The following TGM3 variants were observed in gnomAD, a reference collection of about 807,000 sequenced individuals.
TGM3 encodes transglutaminase 3, also known as protein-glutamine gamma-glutamyltransferase E.
TGM3 carries 52 observed loss-of-function variants against 73.8 expected under a neutral mutation model. That is an observed-to-expected ratio of 0.70 (90% CI 0.56 to 0.89). TGM3 has a LOEUF of 0.89. Ranked by LOEUF, TGM3 falls within the 40% of genes least tolerant of loss-of-function variation. The pLI is 0.00. For synonymous variants in TGM3, 372 were observed against 354.9 expected (o/e 1.05, Z -0.54); for missense variants, 928 against 909.9 (o/e 1.02, Z -0.26).
chr20:2,331,972 G>A (rs2084322753), intron 9 of TGM3, 30 bp from the exon 10 acceptor site: 1 of 1,570,748 alleles, frequency 6.4e-7, no homozygotes, highest in Non-Finnish European at 8.6e-7. Context: ...TCACATCCCT[G>A]GCATGTTTCT....
rs2084329444 is a variant in TGM3 at position 2,332,996 on chromosome 20, C to G, written c.1642+686C>G. Among the ~76,000 whole-genome samples the G allele has an allele frequency of 6.6e-6, 1 of 152,174 alleles. No homozygotes were observed. The highest frequency in any genetic ancestry group is 2.1e-4 in the South Asian group (1 of 4,830). ...TGAGCGTTTGGGAGGAACAGTGACTCCTTGCCCTTGGGTAGCAGGGATGGG... is the reference window on the plus strand; with the variant it reads ...TGAGCGTTTGGGAGGAACAGTGACTGCTTGCCCTTGGGTAGCAGGGATGGG... On this transcript the variant is annotated intron_variant, in intron 10 of 12. Transcript: ENST00000381458. This position sits in a 1 kb window ranked among gnomAD's most constrained non-coding sequence, Gnocchi z 4.4.
intron 11 of TGM3, 31 bp from the exon 12 acceptor site, chr20:2,339,823 G>A (rs900136727): frequency 5.1e-5 from 83 of 1,613,116 alleles, no homozygotes; most frequent in Non-Finnish European, 6.8e-5. Context: ...AGCAGCTGGA[G>A]TCCTGACTCG....
At position 2,334,484 on chromosome 20, in the gene TGM3, G is replaced by A. The variant is rs1000164159; in HGVS notation, c.1643-632G>A. Reference sequence around the variant, plus strand: ...TAGAGACCAGACCAGAGGAATGAAGGGGATGCTGTGGCAGTAGAACCCCAG... The same window carrying A: ...TAGAGACCAGACCAGAGGAATGAAGAGGATGCTGTGGCAGTAGAACCCCAG... On this transcript the variant is annotated intron_variant, in intron 10 of 12. Transcript: ENST00000381458. The surrounding 1 kb of genome is among the most constrained non-coding windows in gnomAD (Gnocchi z 4.0). Among the ~76,000 whole-genome samples, 4 of 152,206 alleles carry A rather than the reference G, an allele frequency of 2.6e-5. No individual in the cohort carries two copies. Among genetic ancestry groups the A allele is most frequent in the African/African-American group, 9.6e-5 (4 of 41,458 alleles).
At chr20:2,303,120 G>A (rs568133257) in intron 1 of TGM3, among the ~76,000 whole-genome samples, 69 of 152,154 alleles carry the variant, frequency 4.5e-4, no homozygotes, top group South Asian at 3.3e-3. Context: ...CCAACATGGC[G>A]AAACCCTGTC....
In TGM3 at chr20:2,317,171, A is replaced by C; in HGVS notation, c.773A>C (p.Lys258Thr). ...TGGAACGGCAGCGTGGAGATCCTCAAAAATTGGAAAAAATCTGGCTTCAGC... is the reference window on the plus strand; with the variant it reads ...TGGAACGGCAGCGTGGAGATCCTCACAAATTGGAAAAAATCTGGCTTCAGC... ...RSWNGSVEILKNWKKSGFSPV... is the reference protein window; with the variant it reads ...RSWNGSVEILTNWKKSGFSPV... Residue 258 changes from lysine (K) to threonine (T), a missense_variant, in exon 6 of 13, where the codon AAA (lysine) becomes ACA (threonine). Transcript: ENST00000381458. 3 of 1,614,074 alleles carry C rather than the reference A, an allele frequency of 1.9e-6. No individual in the cohort carries two copies. Among genetic ancestry groups the C allele is most frequent in the South Asian group, 1.1e-5 (1 of 91,068 alleles).
intron 11 of TGM3, among the ~76,000 whole-genome samples, chr20:2,335,548 G>A (rs531323732): frequency 4.6e-5 from 7 of 152,352 alleles, no homozygotes; most frequent in South Asian, 4.1e-4. Flanking sequence ...ACCACTGGGG[G>A]CATCAGCTGA....
intron 7 of TGM3, among the ~76,000 whole-genome samples, chr20:2,317,943 C>CATATAT (rs61329150): frequency 4.7e-4 from 17 of 36,226 alleles, no homozygotes; most frequent in African/African-American, 7.6e-4. Flanking sequence ...ATATATATAT[C>CATATAT]ATATATATAT....
At chr20:2,319,002 A>G (rs907574294) in intron 7 of TGM3, among the ~76,000 whole-genome samples, 1 of 152,144 alleles carries the variant, frequency 6.6e-6, no homozygotes, top group Non-Finnish European at 1.5e-5. Flanking sequence ...AGGGGAGAGA[A>G]AGCTTATTTA....
intron 4 of TGM3, 150 bp downstream of exon 4, chr20:2,311,279 T>A (rs982028349): frequency 3.0e-6 from 2 of 665,832 alleles, no homozygotes; most frequent in African/African-American, 1.8e-5. Context: ...ATTGGCCACC[T>A]ATTATGTGTC....
In TGM3 at chr20:2,341,070, C is replaced by T. The variant is rs971265128; in HGVS notation, c.*489C>T. On this transcript the variant is annotated 3_prime_UTR_variant, in exon 13 of 13. Transcript: ENST00000381458. ...ACTCAAAATAAATGTTAAATAAGTG[C>T]GATCACACAGCACCGACTCTACCTG... The T allele has an allele frequency of 1.5e-5, 6 of 401,762 alleles. No individual in the cohort carries two copies. In the East Asian group the frequency reaches 2.2e-4, roughly 14 times the overall value. 24.9% of individuals were successfully genotyped at this position (401,762 alleles called of 1,614,324 possible).
intron 11 of TGM3, among the ~76,000 whole-genome samples, chr20:2,338,842 TG>T (rs557084629): frequency 8.1e-4 from 123 of 152,374 alleles, no homozygotes; most frequent in African/African-American, 2.8e-3. Context: ...TGACCCCTTC[TG>T]GGAGGGAAGA....
In TGM3 at chr20:2,332,280, T is replaced by A. The variant is rs927871263; in HGVS notation, c.1612T>A (p.Ser538Thr). Residue 538 changes from serine to threonine, a missense_variant, in exon 10 of 13, where the codon TCT becomes ACT. By Grantham distance (58) the Ser-to-Thr change is moderately conservative. Coordinates refer to ENST00000381458, the MANE Select transcript of TGM3 (RefSeq NM_003245.4). The surrounding 1 kb of genome is among the most constrained non-coding windows in gnomAD (Gnocchi z 4.4). Reference sequence around the variant, plus strand: ...GCTTGTACATGAAGTGTGGAAGGACTCTGCCACAATGTCCCTGGACCCTGA... The same window carrying A: ...GCTTGTACATGAAGTGTGGAAGGACACTGCCACAATGTCCCTGGACCCTGA... The part of the protein sequence containing the change: ...GTLVHEVWKD[S>T]ATMSLDPEEE... The A allele has an allele frequency of 6.2e-7, 1 of 1,609,746 alleles. No individual in the cohort carries two copies.
At chr20:2,312,688 T>A (rs2084212594) in intron 4 of TGM3, among the ~76,000 whole-genome samples, 1 of 152,158 alleles carries the variant, frequency 6.6e-6, no homozygotes, top group Non-Finnish European at 1.5e-5. Flanking sequence ...TTTGAGGAAA[T>A]ACACAGGGTC....
intron 4 of TGM3, among the ~76,000 whole-genome samples, chr20:2,311,638 C>T (rs539188018): frequency 2.6e-5 from 4 of 152,168 alleles, no homozygotes; most frequent in Non-Finnish European, 5.9e-5. Flanking sequence ...ATGCCCTCCA[C>T]CTTTTAGTTT....
intron 1 of TGM3, among the ~76,000 whole-genome samples, chr20:2,299,200 A>G (rs1161378919): frequency 6.6e-6 from 1 of 151,770 alleles, no homozygotes; most frequent in African/African-American, 2.4e-5. Context: ...TATCCACCTC[A>G]TGGGTGCTTA....
intron 11 of TGM3, among the ~76,000 whole-genome samples, chr20:2,336,424 T>C (rs1235842856): frequency 1.3e-5 from 2 of 151,990 alleles, no homozygotes; most frequent in African/African-American, 2.4e-5. Flanking sequence ...GAAATTGCCT[T>C]TCCCTGTACA....
chr20:2,332,446 G>A lies in TGM3; in HGVS notation c.1642+136G>A, dbSNP rs2084326758. ...CCAGCGGCCCCTGTGGTTAAGCCAT[G>A]TATTAATGCTTTGGAAGTTTCTGTC... On this transcript the variant is annotated intron_variant, in intron 10 of 12. Coordinates refer to ENST00000381458, the MANE Select transcript of TGM3 (RefSeq NM_003245.4). The surrounding 1 kb of genome is among the most constrained non-coding windows in gnomAD (Gnocchi z 4.4). The A allele has an allele frequency of 4.6e-6, 4 of 875,802 alleles. No homozygotes were observed. The highest frequency in any genetic ancestry group is 6.8e-6 in the Non-Finnish European group (4 of 590,146). 54.3% of individuals were successfully genotyped at this position (875,802 alleles called of 1,614,324 possible).
intron 12 of TGM3, 30 bp from the exon 13 acceptor site, chr20:2,340,404 A>G (rs2084374871): frequency 1.9e-6 from 3 of 1,613,622 alleles, no homozygotes; most frequent in Non-Finnish European, 1.7e-6. Context: ...TGTGTCTCGT[A>G]TCAACACTGA....
chr20:2,332,055 A>T lies in TGM3; in HGVS notation c.1387A>T (p.Asn463Tyr). 1.2e-6 allele frequency: 2 copies of T among 1,614,132 alleles called. No individual in the cohort carries two copies. The highest frequency in any genetic ancestry group is 1.7e-6 in the Non-Finnish European group (2 of 1,179,992). ...AAAGGCTTTGGGGAAACTTAAACCC[A>T]ACACGCCATTTGCCGCGACGTCTTC... ...FQKALGKLKP[N>Y]TPFAATSSMG... Residue 463 changes from asparagine to tyrosine, a missense_variant, in exon 10 of 13, where the codon AAC becomes TAC. Transcript: ENST00000381458. The surrounding 1 kb of genome is among the most constrained non-coding windows in gnomAD (Gnocchi z 4.4).
Sources: gnomAD v4.1 joint callset for allele counts (sites outside exome capture counted in the v4.1 genomes callset) on GRCh38, gnomAD v4.1.1 for gene constraint, Gnocchi (gnomAD v3.1) non-coding constraint, MANE v1.5 for transcripts, NCBI Gene and HGNC (gene_info 2026-07-23, HGNC 2026-07-21) for gene names.